PSD3: variants seen among roughly 807,000 people sequenced by gnomAD.
PSD3 encodes pleckstrin and Sec7 domain containing 3.
A neutral mutation model predicts 105.5 loss-of-function variants in PSD3; 49 were observed. The observed-to-expected ratio is 0.46, with a 90% CI of 0.37 to 0.59. PSD3 has a LOEUF of 0.59. Ranked by LOEUF, PSD3 falls within the 20% of genes least tolerant of loss-of-function variation. PSD3 has a pLI of 0.00. For synonymous variants in PSD3, 557 were observed against 457.8 expected (o/e 1.22, Z -2.77); for missense variants, 1,561 against 1,263.8 (o/e 1.24, Z -3.57).
intron 15 of PSD3, among the ~76,000 whole-genome samples, chr8:18,546,039 C>T (rs1585211134): frequency 2.6e-5 from 4 of 152,254 alleles, no homozygotes; most frequent in South Asian, 2.1e-4. Context: ...CTCACTCTGT[C>T]GCCCAGGCTA....
chr8:18,960,028 C>T (rs2129471071), intron 1 of PSD3, among the ~76,000 whole-genome samples: 1 of 152,290 alleles, frequency 6.6e-6, no homozygotes, highest in Non-Finnish European at 1.5e-5. Context: ...ATTCCATCCC[C>T]AGAAAAATTA....
At chr8:18,903,869 G>T (rs554548790) in intron 2 of PSD3, among the ~76,000 whole-genome samples, 1 of 152,126 alleles carries the variant, frequency 6.6e-6, no homozygotes, top group Non-Finnish European at 1.5e-5. Context: ...TGACTTCTCC[G>T]AGTAGCCAAA....
intron 9 of PSD3, among the ~76,000 whole-genome samples, chr8:18,666,551 T>C (rs984254285): frequency 6.6e-6 from 1 of 152,144 alleles, no homozygotes; most frequent in Non-Finnish European, 1.5e-5. Context: ...TGCTGGTTCA[T>C]CATCAAAAAA....
chr8:18,784,858 T>A (rs1353686110), intron 8 of PSD3, among the ~76,000 whole-genome samples: 1 of 152,106 alleles, frequency 6.6e-6, no homozygotes, highest in Non-Finnish European at 1.5e-5. Flanking sequence ...TACAGAGGCT[T>A]TATAACACAG....
In PSD3 at chr8:18,530,001, C is replaced by G. The variant is rs199693655; in HGVS notation, c.*5742G>C. Reference sequence around the variant, plus strand: ...AATTAACAACAACAAAAAAATGCCTCAAGTGTAACTACCAACACATTACTG... The same window carrying G: ...AATTAACAACAACAAAAAAATGCCTGAAGTGTAACTACCAACACATTACTG... On this transcript the variant is annotated 3_prime_UTR_variant, in exon 16 of 16. Transcript: ENST00000327040. 1 of 152,400 alleles carries G rather than the reference C, an allele frequency of 6.6e-6. No homozygotes were observed. Among genetic ancestry groups the G allele is most frequent in the East Asian group, 1.9e-4 (1 of 5,184 alleles). 9.4% of individuals were successfully genotyped at this position (152,400 alleles called of 1,614,324 possible).
At chr8:18,777,289 C>T (rs747905888) in intron 8 of PSD3, among the ~76,000 whole-genome samples, 9 of 152,200 alleles carry the variant, frequency 5.9e-5, no homozygotes, top group Non-Finnish European at 1.0e-4. Context: ...GATCCACCCA[C>T]CTCGGCCTCC....
intron 9 of PSD3, among the ~76,000 whole-genome samples, chr8:18,713,904 A>T (rs1405411728): frequency 6.6e-6 from 1 of 152,194 alleles, no homozygotes; most frequent in Admixed American, 6.5e-5. Context: ...CAGTAACCAA[A>T]ACAGTATGGT....
At chr8:18,875,297 C>G (rs1329911584) in intron 2 of PSD3, among the ~76,000 whole-genome samples, 2 of 152,128 alleles carry the variant, frequency 1.3e-5, no homozygotes, top group African/African-American at 4.8e-5. Context: ...ACACCTTCTA[C>G]AAGACAGAAC....
At chr8:18,822,342 C>G (rs536180354) in intron 4 of PSD3, among the ~76,000 whole-genome samples, 18 of 152,282 alleles carry the variant, frequency 1.2e-4, no homozygotes, top group South Asian at 4.1e-4. Flanking sequence ...GGACATCATT[C>G]AGGCATCACT....
At chr8:18,694,290 C>G (rs993597172) in intron 9 of PSD3, among the ~76,000 whole-genome samples, 14 of 152,222 alleles carry the variant, frequency 9.2e-5, no homozygotes, top group African/African-American at 2.7e-4. Flanking sequence ...AGAAAACATT[C>G]TACAAAACTC....
chr8:18,571,619 G>A (rs935940768), intron 14 of PSD3, among the ~76,000 whole-genome samples: 2 of 151,928 alleles, frequency 1.3e-5, no homozygotes, highest in African/African-American at 4.8e-5. Flanking sequence ...CTATCTCCAG[G>A]GCCAAAAATA....
At chr8:18,990,177 C>T (rs1295052848) in intron 1 of PSD3, among the ~76,000 whole-genome samples, 1 of 152,232 alleles carries the variant, frequency 6.6e-6, no homozygotes, top group East Asian at 1.9e-4. Flanking sequence ...CTCTTCAATC[C>T]GTTCTTCACA....
At chr8:18,954,503 T>C (rs970670272) in intron 1 of PSD3, among the ~76,000 whole-genome samples, 3 of 152,210 alleles carry the variant, frequency 2.0e-5, no homozygotes, top group Admixed American at 1.3e-4. Context: ...AGATGACCAA[T>C]GTTTAGTTCC....
intron 1 of PSD3, among the ~76,000 whole-genome samples, chr8:18,937,057 T>C (rs1822187434): frequency 6.6e-6 from 1 of 152,168 alleles, no homozygotes; most frequent in Non-Finnish European, 1.5e-5. Context: ...AAACAAGAAC[T>C]ACAAAGGTGA....
At chr8:18,724,260 A>G (rs923498465) in intron 9 of PSD3, among the ~76,000 whole-genome samples, 1 of 152,160 alleles carries the variant, frequency 6.6e-6, no homozygotes, top group African/African-American at 2.4e-5. Flanking sequence ...AAAATGAGGC[A>G]AAATCATATT....
intron 10 of PSD3, among the ~76,000 whole-genome samples, chr8:18,641,458 A>G (rs181496259): frequency 1.1e-4 from 16 of 152,304 alleles, no homozygotes; most frequent in African/African-American, 3.8e-4. Context: ...TTTTTTATAA[A>G]ATACTATATG....
intron 1 of PSD3, among the ~76,000 whole-genome samples, chr8:19,082,348 C>T (rs1323284781): frequency 6.6e-6 from 1 of 152,170 alleles, no homozygotes; most frequent in Non-Finnish European, 1.5e-5. Flanking sequence ...GGCTTCTCCT[C>T]TTTTCTCCCT....
intron 8 of PSD3, among the ~76,000 whole-genome samples, chr8:18,774,048 T>C (rs935744424): frequency 1.1e-4 from 16 of 152,352 alleles, no homozygotes; most frequent in Non-Finnish European, 2.2e-4. Context: ...GCAATTGTTT[T>C]GCAAATGCTC....
intron 9 of PSD3, among the ~76,000 whole-genome samples, chr8:18,664,221 CTG>C (rs1809555009): frequency 6.6e-6 from 1 of 152,278 alleles, no homozygotes; most frequent in East Asian, 1.9e-4. Flanking sequence ...TAAGGCTACG[CTG>C]AAGGTGAGGT....
Sources: allele counts gnomAD v4.1 joint callset (sites outside exome capture counted in the v4.1 genomes callset), GRCh38; gene constraint gnomAD v4.1.1; transcripts MANE v1.5; gene names NCBI Gene and HGNC (gene_info 2026-07-23, HGNC 2026-07-21).